Variants in CD99 observed in about 807,000 individuals in gnomAD.
The protein encoded by CD99 is CD99 antigen.
CD99 carries 19 observed loss-of-function variants against 28.4 expected under a neutral mutation model. The ratio of observed to expected loss-of-function variants is 0.67; its 90% CI spans 0.47 to 0.98. The LOEUF is 0.98. Among genes scored for constraint, CD99 ranks in the 50% least tolerant of loss-of-function variants. The probability of loss-of-function intolerance (pLI) is 0.00; values close to 1 mark genes in which losing one functional copy is unlikely to be tolerated. For missense variants in CD99, 283 were observed against 248.8 expected, an observed-to-expected ratio of 1.14 and a Z score of -0.92; for synonymous variants, 103 against 92.1, an observed-to-expected ratio of 1.12 and a Z score of -0.67.
intron 8 of CD99, among the ~76,000 whole-genome samples, chrX:2,726,933 C>T (rs112770851): frequency 1.5e-3 from 226 of 152,156 alleles, no homozygotes; most frequent in African/African-American, 4.7e-3. Context: ...AGGAGGAGAT[C>T]GAGACCATCC....
chrX:2,733,086 C>T (rs1357817999), intron 8 of CD99, among the ~76,000 whole-genome samples: 1 of 150,808 alleles, frequency 6.6e-6, no homozygotes, highest in Non-Finnish European at 1.5e-5. Context: ...CCCTTCCTTC[C>T]TCCCATCCCT....
chrX:2,701,152 C>T (rs1569427063), intron 1 of CD99, among the ~76,000 whole-genome samples: 1 of 151,866 alleles, frequency 6.6e-6, no homozygotes, highest in Non-Finnish European at 1.5e-5. Flanking sequence ...CCCATCCATC[C>T]ACCCAGCTGT....
intron 5 of CD99, among the ~76,000 whole-genome samples, 196 bp downstream of exon 5, chrX:2,720,620 CTTTTTTTTTTT>C (rs71281938): frequency 1.2e-5 from 1 of 83,920 alleles, no homozygotes; most frequent in East Asian, 3.8e-4. Context: ...TTTTAGTTTG[CTTTTTTTTTTT>C]TTTTTTTTTT....
At chrX:2,732,656 T>A (rs1291341650) in intron 8 of CD99, among the ~76,000 whole-genome samples, 3 of 149,878 alleles carry the variant, frequency 2.0e-5, no homozygotes, top group Non-Finnish European at 4.4e-5. Flanking sequence ...TCTCTCTTCC[T>A]TTTCTCTATC....
chrX:2,714,514 C>A, intron 2 of CD99, 60 bp downstream of exon 2: 1 of 1,351,312 alleles, frequency 7.4e-7, no homozygotes, highest in Non-Finnish European at 1.1e-6. Flanking sequence ...ATAGTATATA[C>A]AGGCATATCC....
chrX:2,731,728 C>T (rs1361246158), intron 8 of CD99, among the ~76,000 whole-genome samples: 1 of 152,006 alleles, frequency 6.6e-6, no homozygotes, highest in Non-Finnish European at 1.5e-5. Context: ...GAGTCCCAGG[C>T]GAGTGAGTAG....
chrX:2,702,708 A>T (rs1308509498), intron 1 of CD99, among the ~76,000 whole-genome samples: 1 of 152,162 alleles, frequency 6.6e-6, no homozygotes, highest in Non-Finnish European at 1.5e-5. Flanking sequence ...CCAGGACCCA[A>T]TAGTTACCCT....
intron 2 of CD99, among the ~76,000 whole-genome samples, chrX:2,715,902 C>T (rs2048684610): frequency 1.3e-5 from 2 of 152,126 alleles, no homozygotes; most frequent in South Asian, 2.1e-4. Flanking sequence ...ATTATAACCT[C>T]ATCTTAACTG....
At chrX:2,718,362 T>G (rs1006377645) in intron 3 of CD99, among the ~76,000 whole-genome samples, 1 of 151,434 alleles carries the variant, frequency 6.6e-6, no homozygotes, top group African/African-American at 2.4e-5. Context: ...CTTGCTGTTC[T>G]TTCTTTCTTT....
At chrX:2,693,659 G>A (rs186471626) in intron 1 of CD99, among the ~76,000 whole-genome samples, 4 of 152,278 alleles carry the variant, frequency 2.6e-5, no homozygotes, top group East Asian at 3.9e-4. Flanking sequence ...GATAGCTCTG[G>A]CCTGATCTCA....
At chrX:2,697,430 C>T (rs2047628410) in intron 1 of CD99, among the ~76,000 whole-genome samples, 1 of 152,164 alleles carries the variant, frequency 6.6e-6, no homozygotes, top group African/African-American at 2.4e-5. Context: ...AGGCAGCAGA[C>T]TGGCCAGAGG....
intron 2 of CD99, among the ~76,000 whole-genome samples, chrX:2,716,278 A>G (rs1299771691): frequency 1.3e-5 from 2 of 152,062 alleles, no homozygotes; most frequent in Non-Finnish European, 2.9e-5. Flanking sequence ...TGGCCTCCCA[A>G]AGTGCTGGGA....
rs776866807 is a variant in CD99, at chrX:2,720,369, A to G, written c.207A>G (p.Pro69=). ...TTTCACAAACAGACGACCCACGACC[A>G]CCGAACCCACCCAAACCGATGCCAA... is the stretch of plus-strand genomic sequence containing the variant. ...VVDGENDDPR[P]PNPPKPMPNP... is the part of the protein sequence containing the mutation. The change falls in exon 5 of 10, where the codon CCA becomes CCG. Residue 69 remains proline, a synonymous_variant. Coordinates refer to ENST00000381192, the MANE Select transcript of CD99 (RefSeq NM_002414.5). 3.1e-6 allele frequency: 5 copies of G among 1,613,682 alleles called. No individual in the cohort carries two copies. In the East Asian group the frequency reaches 8.9e-5, roughly 29 times the overall value.
chrX:2,721,578 G>C (rs1357991644), intron 5 of CD99, among the ~76,000 whole-genome samples: 1 of 152,086 alleles, frequency 6.6e-6, no homozygotes, highest in East Asian at 1.9e-4. Flanking sequence ...TTACAGGCAC[G>C]AGTCACCTCA....
intron 9 of CD99, 104 bp from the exon 10 acceptor site, chrX:2,740,675 T>C: frequency 8.7e-7 from 1 of 1,148,064 alleles, no homozygotes. Context: ...CCCATTTTTC[T>C]TATGCAGAAA....
intron 2 of CD99, chrX:2,715,688 T>A (rs1436004936): frequency 4.0e-5 from 6 of 151,132 alleles, no homozygotes; most frequent in Non-Finnish European, 5.9e-5. Flanking sequence ...CTCAATCCAC[T>A]GCAGTTATAT....
At chrX:2,696,795 T>G (rs1024578301) in intron 1 of CD99, among the ~76,000 whole-genome samples, 16 of 152,350 alleles carry the variant, frequency 1.1e-4, no homozygotes, top group East Asian at 7.7e-4. Context: ...TTCCTCTTCT[T>G]GAATTTCCTG....
intron 8 of CD99, chrX:2,727,468 A>C: frequency 1.4e-6 from 1 of 704,768 alleles, no homozygotes; most frequent in Admixed American, 2.0e-5. Flanking sequence ...ATCGACCGGG[A>C]ACAGCTACTC....
chrX:2,719,458 G>GT, intron 3 of CD99: 1 of 635,204 alleles, frequency 1.6e-6, no homozygotes, highest in Non-Finnish European at 2.9e-6. Context: ...CTGTCTCTCT[G>GT]TTTTTTCCTC....
Sources: gnomAD v4.1 joint callset for allele counts (sites outside exome capture counted in the v4.1 genomes callset) on GRCh38, gnomAD v4.1.1 for gene constraint, MANE v1.5 for transcripts, NCBI Gene and HGNC (gene_info 2026-07-23, HGNC 2026-07-21) for gene names.